Variants in USP24 observed in about 807,000 individuals in gnomAD.
USP24 encodes ubiquitin specific peptidase 24, also known as ubiquitin carboxyl-terminal hydrolase 24.
USP24 carries 97 observed loss-of-function variants against 361.6 expected under a neutral mutation model. The observed-to-expected ratio is 0.27, with a 90% CI of 0.23 to 0.32. The LOEUF (loss-of-function observed/expected upper bound fraction) is 0.32, where lower values mean the gene tolerates loss of function less well. Ranked by LOEUF, USP24 falls within the 10% of genes least tolerant of loss-of-function variation. The pLI, the probability that USP24 is intolerant of heterozygous loss-of-function variation, is 1.00. For synonymous variants in USP24, 1,098 were observed against 1,124.6 expected, an observed-to-expected ratio of 0.98 and a Z score of 0.47; for missense variants, 2,353 against 3,165.6, an observed-to-expected ratio of 0.74 and a Z score of 6.16.
chr1:55,110,121 C>A, intron 39 of USP24, 64 bp downstream of exon 39: 2 of 1,297,250 alleles, frequency 1.5e-6, no homozygotes, highest in South Asian at 2.9e-5. Flanking sequence ...TTAGAAATGT[C>A]CGTGTGACTT....
chr1:55,100,118 T>C (rs1283188810), intron 44 of USP24, among the ~76,000 whole-genome samples: 1 of 152,172 alleles, frequency 6.6e-6, no homozygotes, highest in East Asian at 1.9e-4. Context: ...GAACAGAGAA[T>C]TTCTCTCTTA....
intron 52 of USP24, 37 bp from the exon 53 acceptor site, chr1:55,092,953 G>A (rs1487460805): frequency 7.4e-7 from 1 of 1,346,506 alleles, no homozygotes; most frequent in Non-Finnish European, 1.0e-6. Flanking sequence ...TTATGAAATG[G>A]AAAAATATTC....
chr1:55,160,780 T>C (rs968798371), intron 8 of USP24, among the ~76,000 whole-genome samples: 4 of 152,186 alleles, frequency 2.6e-5, no homozygotes, highest in Non-Finnish European at 4.4e-5. Context: ...CTAAATTCTC[T>C]TCCACATAGC....
chr1:55,173,578 A>G (rs1262919160), intron 3 of USP24, among the ~76,000 whole-genome samples: 1 of 152,216 alleles, frequency 6.6e-6, no homozygotes, highest in Non-Finnish European at 1.5e-5. Flanking sequence ...CAAATATTCA[A>G]AGGGAAAATA....
intron 3 of USP24, among the ~76,000 whole-genome samples, chr1:55,175,402 A>G (rs1301016419): frequency 6.6e-6 from 1 of 151,490 alleles, no homozygotes; most frequent in Non-Finnish European, 1.5e-5. Flanking sequence ...AATTTTTTGC[A>G]TTTTTAGTAG....
intron 3 of USP24, among the ~76,000 whole-genome samples, 187 bp downstream of exon 3, chr1:55,176,189 G>A (rs1330664206): frequency 1.3e-5 from 2 of 152,008 alleles, no homozygotes; most frequent in Admixed American, 6.6e-5. Flanking sequence ...CAATATAAAA[G>A]AAGTAAATCA....
chr1:55,078,733 C>G (rs1645079872), intron 60 of USP24, 82 bp from the exon 61 acceptor site: 2 of 1,092,948 alleles, frequency 1.8e-6, no homozygotes, highest in Non-Finnish European at 2.6e-6. Flanking sequence ...TAACTGAAAT[C>G]TACCCAGATT....
At chr1:55,201,389 T>A (rs1027773977) in intron 1 of USP24, among the ~76,000 whole-genome samples, 1 of 151,260 alleles carries the variant, frequency 6.6e-6, no homozygotes, top group Non-Finnish European at 1.5e-5. Context: ...GATCACGAGG[T>A]CAGGAGTTTG....
chr1:55,201,646 G>A (rs2100921683), intron 1 of USP24, among the ~76,000 whole-genome samples: 1 of 147,570 alleles, frequency 6.8e-6, no homozygotes, highest in East Asian at 2.0e-4. Flanking sequence ...ATTTAATATG[G>A]TGACAAAGGA....
At chr1:55,199,618 T>TGAGAGAGAGAGA (rs771516226) in intron 1 of USP24, among the ~76,000 whole-genome samples, 5 of 105,356 alleles carry the variant, frequency 4.7e-5, no homozygotes, top group African/African-American at 1.3e-4. Context: ...TGTGTGTGTG[T>TGAGAGAGAGAGA]GTGTGAGAGA....
chr1:55,110,763 G>A (rs1443249152), intron 38 of USP24, among the ~76,000 whole-genome samples: 1 of 152,130 alleles, frequency 6.6e-6, no homozygotes, highest in Non-Finnish European at 1.5e-5. Flanking sequence ...TTATAGTAGT[G>A]AACAGCACAG....
At chr1:55,212,354 G>T (rs1230204933) in intron 1 of USP24, among the ~76,000 whole-genome samples, 1 of 152,082 alleles carries the variant, frequency 6.6e-6, no homozygotes, top group African/African-American at 2.4e-5. Context: ...CTAAAACCAT[G>T]AGTTGAGCAG....
At chr1:55,146,374 C>G (rs564806528) in intron 19 of USP24, among the ~76,000 whole-genome samples, 1 of 152,166 alleles carries the variant, frequency 6.6e-6, no homozygotes, top group Non-Finnish European at 1.5e-5. Context: ...CTGCTTACAA[C>G]AGGCACTATG....
intron 27 of USP24, 24 bp downstream of exon 27, chr1:55,137,782 T>C: frequency 1.3e-6 from 2 of 1,554,790 alleles, no homozygotes; most frequent in Non-Finnish European, 1.7e-6. Flanking sequence ...TTATTATTCA[T>C]CAAAACTGCT....
chr1:55,085,087 T>G (rs960266500), intron 56 of USP24, among the ~76,000 whole-genome samples: 4 of 152,044 alleles, frequency 2.6e-5, no homozygotes, highest in African/African-American at 9.7e-5. Context: ...CTAGGTAGGA[T>G]TTTGTTTAAA....
rs1382261401 is a variant in USP24, at chr1:55,215,257, G to T, written c.-144C>A. ...TGCCCCGGGTGCTCCGCAGCAGCCGGGCCAGGCTGGGTGCGGGCTTGGGTC... is the reference window on the plus strand; with the variant it reads ...TGCCCCGGGTGCTCCGCAGCAGCCGTGCCAGGCTGGGTGCGGGCTTGGGTC... On this transcript the variant is annotated 5_prime_UTR_variant, in exon 1 of 68. Transcript: ENST00000294383. 8.3e-6 allele frequency: 5 copies of T among 602,572 alleles called. No homozygotes were observed. Among genetic ancestry groups the T allele is most frequent in the Non-Finnish European group, 1.2e-5 (5 of 431,296 alleles). The allele number at this position is 602,572 out of a possible 1,614,324, so 37.3% of individuals were successfully genotyped here. A position where few individuals can be genotyped will look rare whatever the true frequency, so the allele number is the denominator to read the frequency against.
chr1:55,204,514 C>T (rs1014990825), intron 1 of USP24, among the ~76,000 whole-genome samples: 7 of 151,848 alleles, frequency 4.6e-5, no homozygotes, highest in Admixed American at 1.3e-4. Flanking sequence ...GCAATGGATG[C>T]CACTATGGAT....
chr1:55,075,414 A>C, intron 63 of USP24, 43 bp downstream of exon 63: 2 of 1,533,062 alleles, frequency 1.3e-6, no homozygotes, highest in Non-Finnish European at 1.8e-6. Context: ...GATTATCCAC[A>C]TATTTACTAT....
intron 8 of USP24, among the ~76,000 whole-genome samples, chr1:55,161,379 A>T (rs1022120763): frequency 8.8e-4 from 134 of 151,836 alleles, no homozygotes; most frequent in African/African-American, 3.0e-3. Flanking sequence ...CTGGAAAAAA[A>T]AAAAAAGAAA....
Sources: allele counts gnomAD v4.1 joint callset (sites outside exome capture counted in the v4.1 genomes callset), GRCh38; gene constraint gnomAD v4.1.1; transcripts MANE v1.5; gene names NCBI Gene and HGNC (gene_info 2026-07-23, HGNC 2026-07-21).